Variants in GNAO1 observed in about 807,000 individuals in gnomAD.
GNAO1 encodes G protein subunit alpha o1.
For missense variants in GNAO1, 166 were observed against 478.7 expected (o/e 0.35, Z 6.10); for synonymous variants, 164 against 180.7 (o/e 0.91, Z 0.74).
intron 3 of GNAO1, among the ~76,000 whole-genome samples, chr16:56,290,868 G>C (rs1234656635): frequency 6.6e-6 from 1 of 152,116 alleles, no homozygotes; most frequent in Non-Finnish European, 1.5e-5. Context: ...TGTCTATTCT[G>C]GACATTTTAT....
At chr16:56,225,461 ACT>A (rs2036525688) in intron 2 of GNAO1, among the ~76,000 whole-genome samples, 1 of 151,982 alleles carries the variant, frequency 6.6e-6, no homozygotes, top group African/African-American at 2.4e-5. Context: ...GGAGGTGGTG[ACT>A]CTCCCTGATC....
At chr16:56,296,486 T>C (rs959051290) in intron 3 of GNAO1, among the ~76,000 whole-genome samples, 1 of 152,144 alleles carries the variant, frequency 6.6e-6, no homozygotes, top group Non-Finnish European at 1.5e-5. Context: ...TGAACAGGCA[T>C]GCAGAGGGGG....
At chr16:56,310,963 A>G (rs1163502640) in intron 3 of GNAO1, among the ~76,000 whole-genome samples, 2 of 152,144 alleles carry the variant, frequency 1.3e-5, no homozygotes, top group Non-Finnish European at 2.9e-5. Context: ...TTGACCCAGA[A>G]GTGGTATGCT....
chr16:56,332,937 G>C (rs931572546), intron 4 of GNAO1, among the ~76,000 whole-genome samples: 2 of 152,224 alleles, frequency 1.3e-5, no homozygotes, highest in African/African-American at 4.8e-5. Context: ...CCTTCTGGCT[G>C]AGACCAGAGC....
At chr16:56,227,369 C>T (rs1296744150) in intron 2 of GNAO1, among the ~76,000 whole-genome samples, 1 of 152,136 alleles carries the variant, frequency 6.6e-6, no homozygotes, top group Non-Finnish European at 1.5e-5. Context: ...AGGCTCTTGG[C>T]TTCATCCTTG....
chr16:56,310,518 T>C (rs2037445976), intron 3 of GNAO1, among the ~76,000 whole-genome samples: 1 of 152,160 alleles, frequency 6.6e-6, no homozygotes, highest in African/African-American at 2.4e-5. Context: ...AGGGGGAGTA[T>C]TGGCACAGCA....
At chr16:56,315,303 C>A (rs568404510) in intron 3 of GNAO1, among the ~76,000 whole-genome samples, 41 of 152,318 alleles carry the variant, frequency 2.7e-4, no homozygotes, top group Admixed American at 2.1e-3. Flanking sequence ...ATTTTTCCTT[C>A]CCTTTGACTG....
chr16:56,346,709 A>G (rs1306987774), intron 6 of GNAO1: 12 of 985,458 alleles, frequency 1.2e-5, no homozygotes, highest in Non-Finnish European at 1.4e-5. Context: ...TGCTGCCAGG[A>G]CGCAGCTGTC....
At chr16:56,266,625 A>T in intron 2 of GNAO1, among the ~76,000 whole-genome samples, 1 of 152,136 alleles carries the variant, frequency 6.6e-6, no homozygotes, top group Non-Finnish European at 1.5e-5. Flanking sequence ...TTTGGCACTG[A>T]ATTGCCTGAG....
At chr16:56,256,091 T>C (rs989265820) in intron 2 of GNAO1, among the ~76,000 whole-genome samples, 11 of 152,204 alleles carry the variant, frequency 7.2e-5, no homozygotes, top group Admixed American at 1.3e-4. Context: ...TTGAAGCATG[T>C]TGTGAGTGTT....
At chr16:56,272,727 T>C (rs576128416) in intron 2 of GNAO1, among the ~76,000 whole-genome samples, 27 of 152,294 alleles carry the variant, frequency 1.8e-4, no homozygotes, top group African/African-American at 6.3e-4. Flanking sequence ...GTCAAATGGG[T>C]ATAATAAAAT....
chr16:56,305,878 A>G (rs553978295), intron 3 of GNAO1, among the ~76,000 whole-genome samples: 2 of 152,266 alleles, frequency 1.3e-5, no homozygotes, highest in Admixed American at 6.5e-5. Context: ...CTTAATCTCT[A>G]TAAGGACGCC....
intron 3 of GNAO1, among the ~76,000 whole-genome samples, chr16:56,291,199 T>C (rs1200676480): frequency 1.3e-5 from 2 of 152,192 alleles, no homozygotes; most frequent in Non-Finnish European, 2.9e-5. Context: ...TCAAACTGTT[T>C]TCCAAAGTGG....
chr16:56,219,832 C>G (rs2036468164), intron 2 of GNAO1, among the ~76,000 whole-genome samples: 1 of 152,152 alleles, frequency 6.6e-6, no homozygotes, highest in Non-Finnish European at 1.5e-5. Flanking sequence ...TGTGCTAAAG[C>G]TCCCAGAGCA....
chr16:56,196,902 A>G (rs1283623637), intron 2 of GNAO1, among the ~76,000 whole-genome samples: 1 of 152,234 alleles, frequency 6.6e-6, no homozygotes, highest in Non-Finnish European at 1.5e-5. Context: ...GATTCAGAGA[A>G]CAGACCCTAC....
At chr16:56,319,426 G>C (rs560591347) in intron 3 of GNAO1, among the ~76,000 whole-genome samples, 2 of 152,250 alleles carry the variant, frequency 1.3e-5, no homozygotes, top group African/African-American at 2.4e-5. Context: ...TGGTGGGTAG[G>C]AGCTGGGTAC....
chr16:56,221,578 A>G (rs1385360173), intron 2 of GNAO1, among the ~76,000 whole-genome samples: 2 of 145,076 alleles, frequency 1.4e-5, no homozygotes, highest in African/African-American at 5.1e-5. Flanking sequence ...TGAACCCAGG[A>G]GGCAGAGGTT....
intron 4 of GNAO1, among the ~76,000 whole-genome samples, chr16:56,329,594 C>T (rs1365976190): frequency 6.6e-6 from 1 of 152,226 alleles, no homozygotes; most frequent in East Asian, 1.9e-4. Flanking sequence ...TGGTCAGGGA[C>T]ATGTCTTCTG....
intron 3 of GNAO1, among the ~76,000 whole-genome samples, chr16:56,310,454 C>T (rs773875476): frequency 6.6e-6 from 1 of 152,142 alleles, no homozygotes; most frequent in African/African-American, 2.4e-5. Flanking sequence ...AAAAATTATG[C>T]GAGTAACTGA....
Sources: gnomAD v4.1 joint callset for allele counts (sites outside exome capture counted in the v4.1 genomes callset) on GRCh38, gnomAD v4.1.1 for gene constraint, MANE v1.5 for transcripts, NCBI Gene and HGNC (gene_info 2026-07-23, HGNC 2026-07-21) for gene names.